Variants in ANKS1B observed in about 807,000 individuals in gnomAD.
ANKS1B encodes ankyrin repeat and sterile alpha motif domain containing 1B.
Under a neutral mutation model 148.3 loss-of-function variants are expected in ANKS1B, and 36 were observed. That is an observed-to-expected ratio of 0.24 (90% CI 0.19 to 0.32). ANKS1B has a LOEUF of 0.32. ANKS1B is among the 10% of genes least tolerant of loss of function. ANKS1B has a pLI of 1.00. For missense variants in ANKS1B, 1,157 were observed against 1,542.6 expected (o/e 0.75, Z 4.19); for synonymous variants, 542 against 560.8 (o/e 0.97, Z 0.47).
intron 9 of ANKS1B, among the ~76,000 whole-genome samples, chr12:99,522,901 G>A (rs1462702386): frequency 6.6e-6 from 1 of 152,166 alleles, no homozygotes; most frequent in Non-Finnish European, 1.5e-5. Flanking sequence ...CCTTTAGTAA[G>A]GCTGTGCAAG....
chr12:98,783,553 A>G lies in ANKS1B; in HGVS notation c.3343-1416T>C, dbSNP rs79889786. On this transcript the variant is annotated intron_variant, in intron 22 of 26. Coordinates refer to ENST00000683438, the MANE Select transcript of ANKS1B (RefSeq NM_001352186.2). ...TTATTTTGCTTGACAGAGTGGGGCC[A>G]GTCTTCATTCATTCATTCAAAAGAC... 9.7e-3 allele frequency among the ~76,000 whole-genome samples: 1,480 copies of G among 152,322 alleles called. 30 individuals are homozygous for G. Among genetic ancestry groups the G allele is most frequent in the African/African-American group, 0.034 (1,399 of 41,568 alleles).
intron 9 of ANKS1B, among the ~76,000 whole-genome samples, chr12:99,567,457 C>T (rs1319665149): frequency 1.3e-5 from 2 of 152,082 alleles, no homozygotes; most frequent in African/African-American, 4.8e-5. Context: ...CCCCGACACA[C>T]ACACATACAA....
intron 17 of ANKS1B, among the ~76,000 whole-genome samples, chr12:98,890,545 T>C (rs1269340561): frequency 2.0e-5 from 3 of 152,194 alleles, no homozygotes; most frequent in African/African-American, 7.2e-5. Flanking sequence ...GAAAAATAAC[T>C]ACAACATGGT....
chr12:98,932,394 G>T (rs2099814456), intron 17 of ANKS1B, among the ~76,000 whole-genome samples: 1 of 152,144 alleles, frequency 6.6e-6, no homozygotes, highest in Non-Finnish European at 1.5e-5. Context: ...AGGATGCTCA[G>T]AATACTTAAT....
At chr12:99,502,681 GAAT>G (rs1192813620) in intron 10 of ANKS1B, among the ~76,000 whole-genome samples, 7 of 152,068 alleles carry the variant, frequency 4.6e-5, no homozygotes, top group East Asian at 1.9e-4. Context: ...TCTAAAATGA[GAAT>G]AATGATATTA....
At chr12:99,327,321 C>CATATTATATATAATTAT (rs2086605644) in intron 12 of ANKS1B, among the ~76,000 whole-genome samples, 1 of 94,140 alleles carries the variant, frequency 1.1e-5, no homozygotes, top group South Asian at 2.9e-4. Flanking sequence ...ATTATAATTA[C>CATATTATATATAATTAT]ATATTATATA....
At chr12:98,918,072 TATACAGGCCAAGATG>T (rs1461594778) in intron 17 of ANKS1B, among the ~76,000 whole-genome samples, 1 of 152,246 alleles carries the variant, frequency 6.6e-6, no homozygotes, top group African/African-American at 2.4e-5. Context: ...GGAACTATGC[TATACAGGCCAAGATG>T]ATACCTACCA....
At chr12:99,401,779 T>A (rs925932128) in intron 11 of ANKS1B, among the ~76,000 whole-genome samples, 9 of 146,796 alleles carry the variant, frequency 6.1e-5, no homozygotes, top group Admixed American at 6.8e-5. Context: ...TATGCTTCAG[T>A]ATCACATAGC....
chr12:99,906,952 C>T (rs906991051), intron 1 of ANKS1B, among the ~76,000 whole-genome samples: 2 of 152,094 alleles, frequency 1.3e-5, no homozygotes. Flanking sequence ...AACAAAGATA[C>T]ACATAAGGTC....
intron 14 of ANKS1B, among the ~76,000 whole-genome samples, chr12:99,190,229 T>C (rs1415941515): frequency 6.6e-6 from 1 of 152,114 alleles, no homozygotes; most frequent in Non-Finnish European, 1.5e-5. Flanking sequence ...TGCTCATGGA[T>C]AGGAAGAATC....
intron 14 of ANKS1B, among the ~76,000 whole-genome samples, chr12:99,166,476 C>T (rs965434334): frequency 5.9e-5 from 9 of 151,884 alleles, no homozygotes; most frequent in Admixed American, 2.0e-4. Flanking sequence ...TTTCCCTACA[C>T]TAACAATAAA....
chr12:99,464,028 T>A (rs943700215), intron 10 of ANKS1B, among the ~76,000 whole-genome samples: 2 of 152,118 alleles, frequency 1.3e-5, no homozygotes, highest in African/African-American at 4.8e-5. Flanking sequence ...GCAGCCTAAT[T>A]GGGAGGCACC....
At chr12:99,312,198 G>T (rs1233718077) in intron 12 of ANKS1B, among the ~76,000 whole-genome samples, 1 of 152,128 alleles carries the variant, frequency 6.6e-6, no homozygotes, top group Non-Finnish European at 1.5e-5. Flanking sequence ...ATATGTTAGG[G>T]CCAGCAACCA....
chr12:99,669,178 A>G (rs1407983711), intron 8 of ANKS1B, among the ~76,000 whole-genome samples: 3 of 151,884 alleles, frequency 2.0e-5, no homozygotes, highest in Non-Finnish European at 4.4e-5. Context: ...CATGTGTAGT[A>G]ATTTTTTTAA....
chr12:99,359,558 T>A (rs2092318740), intron 12 of ANKS1B, among the ~76,000 whole-genome samples: 1 of 152,070 alleles, frequency 6.6e-6, no homozygotes, highest in Admixed American at 6.6e-5. Context: ...TTCTTATTGT[T>A]AAAAAAGATA....
intron 10 of ANKS1B, among the ~76,000 whole-genome samples, chr12:99,472,903 G>A (rs2096264579): frequency 6.6e-6 from 1 of 152,016 alleles, no homozygotes; most frequent in South Asian, 2.1e-4. Context: ...ACCTCTGGCT[G>A]GAGAGATTAT....
chr12:99,403,974 T>C (rs531564391), intron 11 of ANKS1B, among the ~76,000 whole-genome samples: 1 of 145,976 alleles, frequency 6.9e-6, no homozygotes, highest in East Asian at 1.9e-4. Flanking sequence ...ATATAATATA[T>C]AGCATGGAAT....
chr12:99,714,082 T>C (rs1434810833), intron 8 of ANKS1B, among the ~76,000 whole-genome samples: 3 of 152,216 alleles, frequency 2.0e-5, no homozygotes, highest in East Asian at 3.8e-4. Flanking sequence ...CTTCATTCCT[T>C]ATGGATACTT....
intron 23 of ANKS1B, among the ~76,000 whole-genome samples, chr12:98,781,850 A>G (rs1165933127): frequency 2.0e-5 from 3 of 152,232 alleles, no homozygotes; most frequent in Non-Finnish European, 4.4e-5. Context: ...TTTGAGCCAC[A>G]GCAAAATGCT....
Sources: allele counts gnomAD v4.1 joint callset (sites outside exome capture counted in the v4.1 genomes callset), GRCh38; gene constraint gnomAD v4.1.1; transcripts MANE v1.5; gene names NCBI Gene and HGNC (gene_info 2026-07-23, HGNC 2026-07-21).